Variants in ACSL3 observed in about 807,000 individuals in gnomAD.
The protein encoded by ACSL3 is fatty acid CoA ligase Acsl3.
ACSL3 carries 34 observed loss-of-function variants against 84.7 expected under a neutral mutation model. The ratio of observed to expected loss-of-function variants is 0.40; its 90% CI spans 0.31 to 0.53. ACSL3 has a LOEUF of 0.53. ACSL3 is among the 20% of genes least tolerant of loss of function. ACSL3 has a pLI of 0.48. For synonymous variants in ACSL3, 315 were observed against 299.4 expected, an observed-to-expected ratio of 1.05 and a Z score of -0.54; for missense variants, 680 against 873.1, an observed-to-expected ratio of 0.78 and a Z score of 2.79.
rs760766768 is a variant in ACSL3, at chr2:222,944,539, CGT to C, written c.*2888_*2889del. ...GTTGTTGCTGTTTTCTGCCTGAAGA[CGT>C]GTATCATAAAGAGCTACATGGTATG... is the stretch of plus-strand genomic sequence containing the variant. On this transcript the variant is annotated 3_prime_UTR_variant, in exon 17 of 17. Transcript: ENST00000357430. 6.6e-6 allele frequency: 1 copy of C among 151,348 alleles called. No homozygotes were observed. The highest frequency in any genetic ancestry group is 1.5e-5 in the Non-Finnish European group (1 of 67,924). The allele number at this position is 151,348 out of a possible 1,614,324, so 9.4% of individuals were successfully genotyped here.
At chr2:222,862,872 A>G (rs1002412904) in intron 1 of ACSL3, among the ~76,000 whole-genome samples, 2 of 152,210 alleles carry the variant, frequency 1.3e-5, no homozygotes, top group African/African-American at 2.4e-5. Flanking sequence ...AGGGTCTAAA[A>G]TGTTCTCCTT....
chr2:222,924,752 G>T (rs548301761), intron 11 of ACSL3, among the ~76,000 whole-genome samples, 157 bp downstream of exon 11: 1 of 152,274 alleles, frequency 6.6e-6, no homozygotes, highest in Admixed American at 6.5e-5. Flanking sequence ...GGCCAGGCGC[G>T]GTGGCTCATG....
chr2:222,882,138 C>T (rs1476762802), intron 1 of ACSL3, among the ~76,000 whole-genome samples: 1 of 152,154 alleles, frequency 6.6e-6, no homozygotes, highest in African/African-American at 2.4e-5. Context: ...TGTTTTAAAA[C>T]TTAAAGGAAT....
chr2:222,891,790 A>G (rs888636753), intron 2 of ACSL3, among the ~76,000 whole-genome samples: 2 of 152,170 alleles, frequency 1.3e-5, no homozygotes, highest in Admixed American at 6.5e-5. Context: ...CTCCTTTCCA[A>G]TGTTTATCTT....
At chr2:222,875,981 G>A (rs577788334) in intron 1 of ACSL3, among the ~76,000 whole-genome samples, 10 of 152,242 alleles carry the variant, frequency 6.6e-5, no homozygotes, top group African/African-American at 2.2e-4. Context: ...TGTTTACCTC[G>A]TTGAAGTAGA....
intron 1 of ACSL3, among the ~76,000 whole-genome samples, chr2:222,868,087 A>G (rs991101729): frequency 2.6e-5 from 4 of 152,096 alleles, no homozygotes; most frequent in Non-Finnish European, 4.4e-5. Flanking sequence ...TGCAGGGATA[A>G]TTCACGTGTA....
intron 1 of ACSL3, among the ~76,000 whole-genome samples, chr2:222,871,892 T>C (rs1023533643): frequency 6.6e-6 from 1 of 152,172 alleles, no homozygotes; most frequent in Non-Finnish European, 1.5e-5. Context: ...CAGATGTGAA[T>C]GTTATTATTA....
chr2:222,877,796 G>A lies in ACSL3; in HGVS notation c.-206-10034G>A, dbSNP rs146293179. On this transcript the variant is annotated intron_variant, in intron 1 of 16. Transcript: ENST00000357430. ...CCCTTGATGCATGGATAATTTACCCGTAGACAATTGGGAGCTGTGTATTTA... is the reference window on the plus strand; with the variant it reads ...CCCTTGATGCATGGATAATTTACCCATAGACAATTGGGAGCTGTGTATTTA... 5.8e-4 allele frequency among the ~76,000 whole-genome samples: 88 copies of A among 152,270 alleles called. No homozygotes were observed. In the East Asian group the frequency reaches 8.5e-3, roughly 15 times the overall value.
intron 1 of ACSL3, among the ~76,000 whole-genome samples, chr2:222,862,248 A>G (rs1243903527): frequency 1.3e-5 from 2 of 152,174 alleles, no homozygotes; most frequent in African/African-American, 4.8e-5. Context: ...GGTTATTCCC[A>G]TTTTACAGCG....
At chr2:222,893,160 C>G (rs1341286655) in intron 2 of ACSL3, among the ~76,000 whole-genome samples, 1 of 152,116 alleles carries the variant, frequency 6.6e-6, no homozygotes, top group Non-Finnish European at 1.5e-5. Context: ...TGTGGCATAT[C>G]AAGATGCACC....
rs1460270898 is a variant in ACSL3 at position 222,921,326 on chromosome 2, C to G, written c.852C>G (p.Ile284Met). 6.2e-7 allele frequency: 1 copy of G among 1,602,374 alleles called. No individual in the cohort carries two copies. Among genetic ancestry groups the G allele is most frequent in the South Asian group, 1.1e-5 (1 of 90,702 alleles). Residue 284 changes from isoleucine (I) to methionine (M), a missense_variant, in exon 8 of 17, where the codon ATC (isoleucine) becomes ATG (methionine). This residue lies in a region of ACSL3 where 333 missense variants were observed against 347.5 expected (regional missense o/e 0.96). Coordinates refer to ENST00000357430, the MANE Select transcript of ACSL3 (RefSeq NM_004457.5). Reference protein sequence around the residue: ...SKPLPSDIAVIMYTSGSTGLP... With the variant: ...SKPLPSDIAVMMYTSGSTGLP... ...CATTGCCCTCAGATATTGCAGTAAT[C>G]ATGTACACAAGTGGATCCACAGGAC...
chr2:222,936,147 T>C (rs536757923), intron 16 of ACSL3, among the ~76,000 whole-genome samples: 1 of 152,324 alleles, frequency 6.6e-6, no homozygotes, highest in Non-Finnish European at 1.5e-5. Context: ...TCTTTATCCA[T>C]TCATCTGTGT....
intron 3 of ACSL3, among the ~76,000 whole-genome samples, chr2:222,908,101 T>C (rs1696342722): frequency 6.6e-6 from 1 of 152,254 alleles, no homozygotes; most frequent in Admixed American, 6.5e-5. Flanking sequence ...TTCGCAGTGC[T>C]TAGAACGATA....
intron 1 of ACSL3, among the ~76,000 whole-genome samples, chr2:222,871,919 GCTTTAT>G (rs1440262180): frequency 6.6e-6 from 1 of 152,036 alleles, no homozygotes; most frequent in Admixed American, 6.6e-5. Flanking sequence ...TTGCTTCTCT[GCTTTAT>G]CTGTGGCATT....
chr2:222,875,261 C>T (rs1695415627), intron 1 of ACSL3, among the ~76,000 whole-genome samples: 1 of 127,822 alleles, frequency 7.8e-6, no homozygotes, highest in Non-Finnish European at 1.8e-5. Flanking sequence ...ACTGATAAAA[C>T]TTTATCACTG....
intron 16 of ACSL3, 66 bp from the exon 17 acceptor site, chr2:222,941,431 G>A (rs759697677): frequency 6.6e-5 from 91 of 1,381,626 alleles, no homozygotes; most frequent in Non-Finnish European, 8.5e-5. Flanking sequence ...AAAAAGTGGG[G>A]AAGTTACACC....
intron 1 of ACSL3, chr2:222,861,789 T>TG (rs1353495863): frequency 6.6e-6 from 1 of 152,268 alleles, no homozygotes; most frequent in Non-Finnish European, 1.5e-5. Flanking sequence ...GGCACTATCG[T>TG]GGTGGTGGGA....
chr2:222,906,740 G>A (rs1574544083), intron 3 of ACSL3, among the ~76,000 whole-genome samples: 1 of 151,932 alleles, frequency 6.6e-6, no homozygotes, highest in Middle Eastern at 3.4e-3. Flanking sequence ...TCAGCCTCCC[G>A]AGTAGCTGGG....
chr2:222,908,654 C>T, intron 3 of ACSL3, 79 bp from the exon 4 acceptor site: 1 of 997,742 alleles, frequency 1.0e-6, no homozygotes, highest in Non-Finnish European at 1.5e-6. Flanking sequence ...AAAAAAAAAT[C>T]TTCATTTGCC....
Sources: gnomAD v4.1 joint callset for allele counts (sites outside exome capture counted in the v4.1 genomes callset) on GRCh38, gnomAD v4.1.1 for gene constraint, gnomAD v4.1.1 regional missense constraint, MANE v1.5 for transcripts, NCBI Gene and HGNC (gene_info 2026-07-23, HGNC 2026-07-21) for gene names.